The following PITRM1 variants were observed in gnomAD, a reference collection of about 807,000 sequenced individuals.
PITRM1 encodes the protein presequence protease, mitochondrial.
In PITRM1, 100 loss-of-function variants were observed where a neutral mutation model predicts 129.9. The observed-to-expected ratio is 0.77, with a 90% CI of 0.65 to 0.91. The LOEUF is 0.91. Among genes scored for constraint, PITRM1 ranks in the 40% least tolerant of loss-of-function variants. The probability of loss-of-function intolerance (pLI) is 0.00; values close to 1 mark genes in which losing one functional copy is unlikely to be tolerated. For missense variants in PITRM1, 1,471 were observed against 1,318.3 expected, an observed-to-expected ratio of 1.12 and a Z score of -1.79; for synonymous variants, 591 against 508.8, an observed-to-expected ratio of 1.16 and a Z score of -2.17.
rs1715093184 is a variant in PITRM1 at position 3,165,477 on chromosome 10, G to C, written c.469C>G (p.Gln157Glu). 4 of 1,613,398 alleles carry C rather than the reference G, an allele frequency of 2.5e-6. No individual in the cohort carries two copies. In the Admixed American group the frequency reaches 5.0e-5, roughly 20 times the overall value. ...PFSTQNPKDF[Q>E]NLLSVYLDAT... ...TCCAAATACACCGAGAGGAGATTCTGAAAGTCCTTGGGATTTTGTGTGGAA... is the reference window on the plus strand; with the variant it reads ...TCCAAATACACCGAGAGGAGATTCTCAAAGTCCTTGGGATTTTGTGTGGAA... The change falls in exon 5 of 27, where the codon CAG becomes GAG. Residue 157 changes from glutamine to glutamate, a missense_variant. Gln to Glu is a conservative substitution (Grantham distance 29, BLOSUM62 2). Coordinates refer to ENST00000224949, the MANE Select transcript of PITRM1 (RefSeq NM_014889.4).
intron 2 of PITRM1, among the ~76,000 whole-genome samples, chr10:3,168,952 A>G (rs1843115312): frequency 1.5e-5 from 1 of 66,472 alleles, no homozygotes; most frequent in Non-Finnish European, 3.3e-5. Flanking sequence ...ACACACACAC[A>G]CACACACACA....
chr10:3,154,320 G>A (rs1588677548), intron 14 of PITRM1, among the ~76,000 whole-genome samples: 2 of 152,322 alleles, frequency 1.3e-5, no homozygotes, highest in African/African-American at 4.8e-5. Context: ...TTGAAGGAAC[G>A]TTAGGAGCGG....
rs1588692076 is a variant in PITRM1 at position 3,158,921 on chromosome 10, C to T, written c.1129G>A (p.Asp377Asn). The change falls in exon 10 of 27, where the codon GAT (aspartate) becomes AAT (asparagine). Residue 377 changes from aspartate (D) to asparagine (N), a missense_variant. Transcript: ENST00000224949. ...ATCTAATCATAAACTCACCCAACAT[C>T]AGGAGAAAAGTCTGTGCCAAGGCCA... ...ESGLGTDFSP[D>N]VGYNGYTREA... is the part of the protein sequence containing the mutation. The T allele has an allele frequency of 8.1e-6, 13 of 1,612,870 alleles. No homozygotes were observed. Among genetic ancestry groups the T allele is most frequent in the Non-Finnish European group, 1.1e-5 (13 of 1,179,508 alleles).
At chr10:3,148,102 G>GA in intron 17 of PITRM1, 39 bp from the exon 18 acceptor site, 9 of 1,613,636 alleles carry the variant, frequency 5.6e-6, no homozygotes, top group Non-Finnish European at 7.6e-6. Context: ...AATTAGGGCC[G>GA]AATCGAACAG....
At chr10:3,146,205 TC>T (rs1388453114) in intron 20 of PITRM1, 1 of 163,938 alleles carries the variant, frequency 6.1e-6, no homozygotes, top group Admixed American at 5.8e-5. Context: ...AATACTACTA[TC>T]ATATAAAAGC....
chr10:3,160,348 T>G lies in PITRM1; in HGVS notation c.792-18A>C. On this transcript the variant is annotated intron_variant, in intron 7 of 26. Coordinates refer to ENST00000224949, the MANE Select transcript of PITRM1 (RefSeq NM_014889.4). ...TGAAGAACCTAAAATTTTAAGGGAA[T>G]ATAATTAGTCTGTTTTAGTTTAAAA... 1 of 1,586,772 alleles carries G rather than the reference T, an allele frequency of 6.3e-7. No individual in the cohort carries two copies. Among genetic ancestry groups the G allele is most frequent in the South Asian group, 1.1e-5 (1 of 90,438 alleles).
At position 3,148,172 on chromosome 10, in the gene PITRM1, T is replaced by C; in HGVS notation, c.1991A>G (p.Gln664Arg). The C allele has an allele frequency of 6.2e-7, 1 of 1,613,950 alleles. No homozygotes were observed. Among genetic ancestry groups the C allele is most frequent in the Non-Finnish European group, 8.5e-7 (1 of 1,179,846 alleles). ...PDDSHMDTYE[Q>R]GVLFSSLCLD... ...AGTCGTCTGACGGTACCAGGCTACC[T>C]GCTCGTAGGTGTCCATGTGTGAGTC... is the stretch of plus-strand genomic sequence containing the variant. Residue 664 changes from glutamine to arginine, a missense_variant and splice_region_variant, in exon 17 of 27, where the codon CAG becomes CGG. By Grantham distance (43) the Gln-to-Arg change is conservative (BLOSUM62 1). Transcript: ENST00000224949.
chr10:3,138,308 C>T lies in PITRM1; in HGVS notation c.2947G>A (p.Asp983Asn). 1.9e-6 allele frequency: 3 copies of T among 1,613,730 alleles called. No individual in the cohort carries two copies. Among genetic ancestry groups the T allele is most frequent in the Non-Finnish European group, 2.5e-6 (3 of 1,179,678 alleles). ...TCTCTGTGGGCCTGCTTCATCTCAT[C>T]CGAGAGGCCGTACAAGAAGTGGTCC... ...GMDHFLYGLS[D>N]EMKQAHREQL... The change falls in exon 26 of 27, where the codon GAT becomes AAT. Residue 983 changes from aspartate to asparagine, a missense_variant. By Grantham distance (23) the Asp-to-Asn change is conservative (BLOSUM62 1). Transcript: ENST00000224949.
At chr10:3,146,028 C>T (rs768022809) in intron 20 of PITRM1, 14 of 286,614 alleles carry the variant, frequency 4.9e-5, no homozygotes, top group Non-Finnish European at 8.0e-5. Flanking sequence ...ACCGTGCCTT[C>T]GGAATTACAC....
chr10:3,164,832 G>A (rs1454129420), intron 6 of PITRM1, among the ~76,000 whole-genome samples: 1 of 152,138 alleles, frequency 6.6e-6, no homozygotes, highest in African/African-American at 2.4e-5. Flanking sequence ...GCAAATCTCT[G>A]TAGCGTCTGG....
In PITRM1 at chr10:3,138,136, G is replaced by C. The variant is rs746080118; in HGVS notation, c.3021-12C>G. On this transcript the variant is annotated splice_polypyrimidine_tract_variant and intron_variant, in intron 26 of 26. Transcript: ENST00000224949. ...CAGTGCCGAGGTATCTGAGAGGAAG[G>C]CAGGCGTGGTCAGCAAGGACTGGCT... 7 of 1,599,466 alleles carry C rather than the reference G, an allele frequency of 4.4e-6. No homozygotes were observed. The highest frequency in any genetic ancestry group is 6.0e-6 in the Non-Finnish European group (7 of 1,169,144).
Position 3,147,609 on chromosome 10 carries a change from G to A in PITRM1, c.2198C>T (p.Ala733Val), listed in dbSNP as rs1471648792. The change falls in exon 19 of 27, where the codon GCA becomes GTA. Residue 733 changes from alanine to valine, a missense_variant. By Grantham distance (64) the Ala-to-Val change is moderately conservative. Coordinates refer to ENST00000224949, the MANE Select transcript of PITRM1 (RefSeq NM_014889.4). ...GCTGAAGGTCTCCTGCAGGTCCCCT[G>A]CGGGCGTGAGGGTCCGGCCTGCCCT... ...SIRAGRTLTP[A>V]GDLQETFSGM... 6.2e-7 allele frequency: 1 copy of A among 1,613,952 alleles called. No homozygotes were observed. The highest frequency in any genetic ancestry group is 1.3e-5 in the African/African-American group (1 of 74,948).
intron 1 of PITRM1, among the ~76,000 whole-genome samples, chr10:3,172,487 G>C (rs1286954620): frequency 6.6e-6 from 1 of 152,184 alleles, no homozygotes; most frequent in African/African-American, 2.4e-5. Context: ...GGCAGGCCCG[G>C]CCCCCAGCCC....
At chr10:3,166,684 C>T (rs1299186094) in intron 3 of PITRM1, among the ~76,000 whole-genome samples, 4 of 152,312 alleles carry the variant, frequency 2.6e-5, no homozygotes, top group East Asian at 1.9e-4. Flanking sequence ...TTGTCCAACC[C>T]GCAGCCTGCA....
intron 14 of PITRM1, 49 bp downstream of exon 14, chr10:3,155,542 G>C: frequency 6.2e-7 from 1 of 1,607,844 alleles, no homozygotes; most frequent in Admixed American, 1.7e-5. Flanking sequence ...AAGTCCACTA[G>C]GCCCGAGTGC....
At chr10:3,153,975 T>C (rs1326743974) in intron 14 of PITRM1, among the ~76,000 whole-genome samples, 8 of 152,230 alleles carry the variant, frequency 5.3e-5, no homozygotes, top group African/African-American at 1.9e-4. Context: ...TGGCAAGCTA[T>C]GAAGCCACCA....
At chr10:3,151,923 T>TA (rs1841562752) in intron 14 of PITRM1, among the ~76,000 whole-genome samples, 1 of 152,020 alleles carries the variant, frequency 6.6e-6, no homozygotes, top group Admixed American at 6.6e-5. Flanking sequence ...TTTTTATTTT[T>TA]TTTTTGTAGA....
chr10:3,164,396 A>G (rs1588709832), intron 6 of PITRM1: 1 of 152,452 alleles, frequency 6.6e-6, no homozygotes, highest in African/African-American at 2.4e-5. Flanking sequence ...AAGGGACATG[A>G]AGACATGGGC....
rs373110957 is a variant in PITRM1 at position 3,138,222 on chromosome 10, G to A, written c.3020+13C>T. The A allele has an allele frequency of 5.7e-5, 91 of 1,602,724 alleles. 1 individual carries two copies. The African/African-American group carries it at 6.7e-4, about 12-fold the overall frequency. The stretch of plus-strand genomic sequence containing the variant: ...TCCAGTCCCAGACGCTGTCTCCCCC[G>A]CTCCCCACTCACCTATCGCTCACGG... On this transcript the variant is annotated intron_variant, in intron 26 of 26. Coordinates refer to ENST00000224949, the MANE Select transcript of PITRM1 (RefSeq NM_014889.4).
Sources: allele counts gnomAD v4.1 joint callset (sites outside exome capture counted in the v4.1 genomes callset), GRCh38; gene constraint gnomAD v4.1.1; transcripts MANE v1.5; gene names NCBI Gene and HGNC (gene_info 2026-07-23, HGNC 2026-07-21).